CCDC171: variants seen among roughly 807,000 people sequenced by gnomAD.
The protein encoded by CCDC171 is coiled-coil domain containing 171, also known as coiled-coil domain-containing protein 171.
CCDC171 carries 177 observed loss-of-function variants against 168.2 expected under a neutral mutation model. The observed-to-expected ratio is 1.05, with a 90% CI of 0.93 to 1.19. CCDC171 has a LOEUF of 1.19. Among genes scored for constraint, CCDC171 ranks in the 50% most tolerant of loss-of-function variants. CCDC171 has a pLI of 0.00. For synonymous variants in CCDC171, 687 were observed against 540.8 expected (o/e 1.27, Z -3.75); for missense variants, 1,991 against 1,539.0 (o/e 1.29, Z -4.91).
At chr9:15,745,694 T>A in intron 18 of CCDC171, 63 bp downstream of exon 18, 1 of 943,612 alleles carries the variant, frequency 1.1e-6, no homozygotes, top group Admixed American at 2.7e-5. Context: ...AGAAATTCTT[T>A]ATGTCACAAA....
At chr9:16,035,745 G>A (rs141539704) in intron 7 of CCDC171, among the ~76,000 whole-genome samples, 1 of 152,200 alleles carries the variant, frequency 6.6e-6, no homozygotes, top group Non-Finnish European at 1.5e-5. Context: ...CCTTACTGAA[G>A]ATTAGAAGAG....
intron 25 of CCDC171, among the ~76,000 whole-genome samples, chr9:15,952,446 G>A (rs1036148299): frequency 6.6e-6 from 1 of 152,128 alleles, no homozygotes. Context: ...TTCCCAGGCT[G>A]GAGTACAATG....
chr9:15,628,841 G>A (rs994180956), intron 7 of CCDC171, among the ~76,000 whole-genome samples: 5 of 152,164 alleles, frequency 3.3e-5, no homozygotes, highest in Admixed American at 3.3e-4. Context: ...AACTTCCAGA[G>A]GAACGATCAG....
At chr9:15,880,463 CTT>C (rs59892028) in intron 24 of CCDC171, among the ~76,000 whole-genome samples, 3 of 141,008 alleles carry the variant, frequency 2.1e-5, no homozygotes, top group Non-Finnish European at 4.5e-5. Flanking sequence ...CTCTCTCTCT[CTT>C]TTTTTTTTTT....
chr9:15,990,663 G>T (rs753029323), intron 3 of CCDC171, among the ~76,000 whole-genome samples: 3 of 152,174 alleles, frequency 2.0e-5, no homozygotes, highest in Non-Finnish European at 4.4e-5. Flanking sequence ...CCATCAGTGT[G>T]CTGTATTCAG....
intron 4 of CCDC171, among the ~76,000 whole-genome samples, chr9:15,591,025 C>G (rs2041973361): frequency 6.6e-6 from 1 of 151,712 alleles, no homozygotes; most frequent in Non-Finnish European, 1.5e-5. Context: ...GGTTTGTTTT[C>G]TTGAATAGGA....
At chr9:15,607,571 C>T (rs979036176) in intron 6 of CCDC171, among the ~76,000 whole-genome samples, 1 of 152,082 alleles carries the variant, frequency 6.6e-6, no homozygotes. Flanking sequence ...AAGCAATCCT[C>T]CCACCTCAGC....
intron 25 of CCDC171, among the ~76,000 whole-genome samples, chr9:15,920,840 A>G (rs1273551943): frequency 1.3e-5 from 2 of 151,714 alleles, no homozygotes; most frequent in Non-Finnish European, 3.0e-5. Context: ...AGACTTATCC[A>G]TAATACATGC....
chr9:15,862,723 A>G (rs111477323), intron 23 of CCDC171, among the ~76,000 whole-genome samples: 6 of 151,950 alleles, frequency 3.9e-5, no homozygotes, highest in Non-Finnish European at 5.9e-5. Flanking sequence ...CAGAGCTTCT[A>G]TGGGGCTCTC....
intron 7 of CCDC171, among the ~76,000 whole-genome samples, chr9:15,640,567 C>T (rs1002940473): frequency 1.3e-5 from 2 of 152,056 alleles, no homozygotes; most frequent in Non-Finnish European, 2.9e-5. Context: ...ATAATCTCCT[C>T]AGTGACATTA....
chr9:16,064,351 TAGAC>T (rs1191941903), downstream of CCDC171, among the ~76,000 whole-genome samples: 1 of 152,036 alleles, frequency 6.6e-6, no homozygotes, highest in African/African-American at 2.4e-5. Flanking sequence ...TCCAGCTCGG[TAGAC>T]AGTGTGTCTG....
rs1261020892 is a variant in CCDC171 at position 15,724,993 on chromosome 9, A to C, written c.1692+17A>C. ...GATGCAGAGGTATTACCTGAGACTC[A>C]ATGACTGTCAGGAAGGGCCTTTCAC... On this transcript the variant is annotated intron_variant, in intron 14 of 25. Transcript: ENST00000380701. The C allele has an allele frequency of 1.3e-6, 2 of 1,592,296 alleles. No homozygotes were observed. Among genetic ancestry groups the C allele is most frequent in the Admixed American group, 1.7e-5 (1 of 59,898 alleles).
chr9:15,824,808 G>A (rs2059945541), intron 21 of CCDC171, among the ~76,000 whole-genome samples: 1 of 151,988 alleles, frequency 6.6e-6, no homozygotes, highest in South Asian at 2.1e-4. Context: ...GATTTACTCT[G>A]ACAGCCTCTG....
chr9:15,726,325 T>C (rs986823371), intron 14 of CCDC171, among the ~76,000 whole-genome samples: 11 of 152,186 alleles, frequency 7.2e-5, no homozygotes, highest in African/African-American at 2.7e-4. Context: ...AAATGGATGA[T>C]TATCATGCTT....
chr9:16,105,292 T>C, the CCDC171 span, among the ~76,000 whole-genome samples: 3 of 152,162 alleles, frequency 2.0e-5, no homozygotes, highest in Non-Finnish European at 2.9e-5. Flanking sequence ...GAAGAAGGCA[T>C]CCCTAACAAG....
At chr9:15,802,678 T>G (rs2058883653) in intron 21 of CCDC171, among the ~76,000 whole-genome samples, 1 of 152,198 alleles carries the variant, frequency 6.6e-6, no homozygotes, top group African/African-American at 2.4e-5. Flanking sequence ...TTGGGTTGAT[T>G]CCATGTCTTT....
chr9:15,627,805 A>G (rs1397516752), intron 7 of CCDC171, among the ~76,000 whole-genome samples: 2 of 152,154 alleles, frequency 1.3e-5, no homozygotes, highest in Admixed American at 6.6e-5. Flanking sequence ...TTGATTTTGC[A>G]TGGAGAGTAC....
the CCDC171 span, among the ~76,000 whole-genome samples, chr9:16,081,070 C>G: frequency 7.2e-5 from 11 of 152,304 alleles, no homozygotes; most frequent in African/African-American, 2.6e-4. Context: ...ACACTCCTTC[C>G]TGCGAGTAGC....
chr9:15,581,083 C>T (rs201560263), intron 4 of CCDC171, among the ~76,000 whole-genome samples: 2 of 152,126 alleles, frequency 1.3e-5, no homozygotes, highest in Non-Finnish European at 2.9e-5. Flanking sequence ...TTCAGCAAAG[C>T]CTCAGGATAC....
Sources: allele counts gnomAD v4.1 joint callset (sites outside exome capture counted in the v4.1 genomes callset), GRCh38; gene constraint gnomAD v4.1.1; transcripts MANE v1.5; gene names NCBI Gene and HGNC (gene_info 2026-07-23, HGNC 2026-07-21).